Variants in LAMA3 observed in about 807,000 individuals in gnomAD.
LAMA3 encodes the protein laminin subunit alpha-3.
In LAMA3, 281 loss-of-function variants were observed where a neutral mutation model predicts 402.0. The observed-to-expected ratio is 0.70, with a 90% CI of 0.63 to 0.77. The LOEUF is 0.77. Among genes scored for constraint, LAMA3 ranks in the 30% least tolerant of loss-of-function variants. LAMA3 has a pLI of 0.00. For synonymous variants in LAMA3, 1,431 were observed against 1,558.4 expected, an observed-to-expected ratio of 0.92 and a Z score of 1.93; for missense variants, 3,840 against 4,215.5, an observed-to-expected ratio of 0.91 and a Z score of 2.47.
At chr18:23,833,755 C>A in intron 23 of LAMA3, 73 bp from the exon 24 acceptor site, 2 of 1,544,960 alleles carry the variant, frequency 1.3e-6, no homozygotes, top group Non-Finnish European at 1.8e-6. Flanking sequence ...TCTATTTTCA[C>A]CATTGCTGAT....
At chr18:23,754,016 C>T (rs966004583) in intron 6 of LAMA3, among the ~76,000 whole-genome samples, 18 of 152,078 alleles carry the variant, frequency 1.2e-4, no homozygotes, top group African/African-American at 4.1e-4. Flanking sequence ...CTGGCAGACA[C>T]GGCTAATCAA....
At chr18:23,894,694 C>G (rs2080812002) in intron 43 of LAMA3, among the ~76,000 whole-genome samples, 1 of 152,198 alleles carries the variant, frequency 6.6e-6, no homozygotes, top group Admixed American at 6.5e-5. Context: ...AAGTAAGCAA[C>G]CAGTTGCATG....
At chr18:23,797,714 CAA>C (rs751020854) in intron 12 of LAMA3, among the ~76,000 whole-genome samples, 1 of 119,970 alleles carries the variant, frequency 8.3e-6, no homozygotes. Flanking sequence ...GACTCCGTCT[CAA>C]AAAAAAAAAA....
intron 14 of LAMA3, among the ~76,000 whole-genome samples, chr18:23,813,553 C>A (rs377574218): frequency 8.7e-6 from 1 of 115,008 alleles, no homozygotes; most frequent in African/African-American, 3.4e-5. Flanking sequence ...TCTTTTCTTT[C>A]TTTTTTTTTT....
chr18:23,874,320 A>G (rs2144842710), intron 38 of LAMA3, among the ~76,000 whole-genome samples: 1 of 152,380 alleles, frequency 6.6e-6, no homozygotes, highest in South Asian at 2.1e-4. Flanking sequence ...AATAGATAGA[A>G]TGACACCATC....
chr18:23,733,008 A>G (rs965065309), intron 2 of LAMA3, among the ~76,000 whole-genome samples: 1 of 151,968 alleles, frequency 6.6e-6, no homozygotes, highest in African/African-American at 2.4e-5. Context: ...TCACCTGCCC[A>G]CTTATCCTCT....
chr18:23,774,082 G>A lies in LAMA3; in HGVS notation c.1273+495G>A, dbSNP rs548690596. 1.2e-4 allele frequency among the ~76,000 whole-genome samples: 18 copies of A among 152,274 alleles called. No homozygotes were observed. The South Asian group carries it at 2.7e-3, about 23-fold the overall frequency. On this transcript the variant is annotated intron_variant, in intron 9 of 74. Coordinates refer to ENST00000313654, the MANE Select transcript of LAMA3 (RefSeq NM_198129.4). Reference sequence around the variant, plus strand: ...TACTAAATAGAAAAAAATTAGCCAGGTGTGGTGGTGCTCACCCGTAATCCT... The same window carrying A: ...TACTAAATAGAAAAAAATTAGCCAGATGTGGTGGTGCTCACCCGTAATCCT...
chr18:23,810,574 G>A (rs967307534), intron 13 of LAMA3, 71 bp downstream of exon 13: 1 of 1,570,862 alleles, frequency 6.4e-7, no homozygotes, highest in Non-Finnish European at 8.8e-7. Context: ...TCCCAGAGAA[G>A]CCTGCAAATC....
At chr18:23,714,186 C>A (rs1026139887) in intron 2 of LAMA3, 114 bp downstream of exon 2, 4 of 1,073,370 alleles carry the variant, frequency 3.7e-6, no homozygotes, top group Non-Finnish European at 4.1e-6. Flanking sequence ...TTAATCCCCT[C>A]ATCATTGTTA....
chr18:23,876,430 G>T (rs758681903), intron 39 of LAMA3, 23 bp downstream of exon 39: 13 of 1,429,864 alleles, frequency 9.1e-6, no homozygotes, highest in Non-Finnish European at 1.2e-5. Flanking sequence ...ACACTTTAAT[G>T]CTATCAGCAG....
chr18:23,911,991 T>A (rs2081442565), intron 55 of LAMA3, among the ~76,000 whole-genome samples: 1 of 143,946 alleles, frequency 6.9e-6, no homozygotes, highest in East Asian at 1.9e-4. Context: ...TATATTAAAA[T>A]GTATATTTAT....
At chr18:23,742,474 A>G (rs2061579930) in intron 2 of LAMA3, among the ~76,000 whole-genome samples, 1 of 152,206 alleles carries the variant, frequency 6.6e-6, no homozygotes, top group African/African-American at 2.4e-5. Flanking sequence ...TATATGGTAA[A>G]ATTTCTTAGA....
At chr18:23,949,238 G>A (rs1182006785) in intron 70 of LAMA3, among the ~76,000 whole-genome samples, 8 of 152,168 alleles carry the variant, frequency 5.3e-5, no homozygotes, top group Non-Finnish European at 1.2e-4. Flanking sequence ...GCCCAACAAT[G>A]TAGGCAGATT....
rs769149688 is a variant in LAMA3 at position 23,751,038 on chromosome 18, C to T, written c.805C>T (p.Leu269Phe). 18 of 1,614,040 alleles carry T rather than the reference C, an allele frequency of 1.1e-5. No homozygotes were observed. In the East Asian group the frequency reaches 3.8e-4, roughly 34 times the overall value. The part of the protein sequence containing the change: ...RLRFLRTNTL[L>F]GHLISKAQRD... ...GCGTTTTCTTAGAACCAATACGCTTCTTGGACACCTCATCTCCAAAGCCCA... is the reference window on the plus strand; with the variant it reads ...GCGTTTTCTTAGAACCAATACGCTTTTTGGACACCTCATCTCCAAAGCCCA... Residue 269 changes from leucine (L) to phenylalanine (F), a missense_variant, in exon 5 of 75, where the codon CTT becomes TTT. Physicochemically the swap from Leu to Phe is conservative, Grantham distance 22. Transcript: ENST00000313654.
chr18:23,921,658 T>G (rs1033328493), intron 62 of LAMA3, 73 bp downstream of exon 62: 2 of 1,491,148 alleles, frequency 1.3e-6, no homozygotes, highest in Non-Finnish European at 1.9e-6. Flanking sequence ...AAAAATCTGG[T>G]CTGCCATTTT....
At chr18:23,916,771 A>G (rs1483806340) in intron 60 of LAMA3, 76 bp downstream of exon 60, 2 of 1,390,766 alleles carry the variant, frequency 1.4e-6, no homozygotes, top group Admixed American at 1.7e-5. Context: ...CTGGGTTGTT[A>G]TAAATGACCC....
intron 1 of LAMA3, among the ~76,000 whole-genome samples, chr18:23,695,894 C>T (rs896313929): frequency 1.4e-5 from 2 of 142,348 alleles, no homozygotes; most frequent in African/African-American, 2.6e-5. Context: ...TACCCCTGAT[C>T]CTTGCTTAAT....
chr18:23,793,489 G>T (rs1598805292), intron 12 of LAMA3, among the ~76,000 whole-genome samples: 1 of 151,974 alleles, frequency 6.6e-6, no homozygotes, highest in East Asian at 1.9e-4. Context: ...TTGCATCCCT[G>T]GGGGACAAGG....
At chr18:23,817,174 A>G (rs940843566) in intron 18 of LAMA3, among the ~76,000 whole-genome samples, 29 of 152,198 alleles carry the variant, frequency 1.9e-4, no homozygotes, top group African/African-American at 7.0e-4. Flanking sequence ...CGAGGGAATG[A>G]GGTGGAGATT....
Sources: allele counts gnomAD v4.1 joint callset (sites outside exome capture counted in the v4.1 genomes callset), GRCh38; gene constraint gnomAD v4.1.1; transcripts MANE v1.5; gene names NCBI Gene and HGNC (gene_info 2026-07-23, HGNC 2026-07-21).